The following CALN1 variants were observed in gnomAD, a reference collection of about 807,000 sequenced individuals.
CALN1 encodes calcium-binding protein 8.
CALN1 carries 17 observed loss-of-function variants against 30.6 expected under a neutral mutation model. The observed-to-expected ratio is 0.56, with a 90% CI of 0.38 to 0.83. The LOEUF is 0.83. CALN1 is among the 40% of genes least tolerant of loss of function. CALN1 has a pLI of 0.00. For missense variants in CALN1, 291 were observed against 354.9 expected (o/e 0.82, Z 1.45); for synonymous variants, 156 against 131.4 (o/e 1.19, Z -1.28).
intron 3 of CALN1, among the ~76,000 whole-genome samples, chr7:72,202,390 T>C (rs1791503283): frequency 6.6e-6 from 1 of 151,834 alleles, no homozygotes; most frequent in Non-Finnish European, 1.5e-5. Context: ...AACAAACTAA[T>C]GAAAAAAAGA....
intron 5 of CALN1, among the ~76,000 whole-genome samples, chr7:71,823,302 T>G (rs1481542559): frequency 6.6e-6 from 1 of 152,154 alleles, no homozygotes; most frequent in African/African-American, 2.4e-5. Flanking sequence ...CCTGTGTAGC[T>G]GGGATTACAG....
intron 5 of CALN1, among the ~76,000 whole-genome samples, chr7:71,820,479 C>G (rs145091560): frequency 6.6e-6 from 1 of 152,198 alleles, no homozygotes; most frequent in South Asian, 2.1e-4. Context: ...AATATCTTCA[C>G]GTATTGTTTA....
intron 4 of CALN1, among the ~76,000 whole-genome samples, chr7:72,030,706 C>T (rs867183490): frequency 3.9e-5 from 6 of 152,044 alleles, no homozygotes; most frequent in South Asian, 2.1e-4. Flanking sequence ...TTACTGGGCA[C>T]GCACAACGTG....
intron 2 of CALN1, among the ~76,000 whole-genome samples, chr7:72,288,171 G>C (rs920519576): frequency 6.6e-6 from 1 of 152,106 alleles, no homozygotes; most frequent in East Asian, 1.9e-4. Context: ...ACCGGGGCTG[G>C]AGGATCCATT....
chr7:72,235,397 G>A (rs1271961537), intron 3 of CALN1, among the ~76,000 whole-genome samples: 1 of 152,060 alleles, frequency 6.6e-6, no homozygotes, highest in Non-Finnish European at 1.5e-5. Context: ...GTATTGTCCT[G>A]GGTGCATTTT....
At chr7:71,820,121 C>A (rs544059653) in intron 5 of CALN1, among the ~76,000 whole-genome samples, 15 of 152,296 alleles carry the variant, frequency 9.8e-5, no homozygotes, top group African/African-American at 3.1e-4. Flanking sequence ...CTGCAGCCTG[C>A]AACCTGGAGG....
the CALN1 span, among the ~76,000 whole-genome samples, chr7:72,458,827 T>C: frequency 7.4e-6 from 1 of 135,472 alleles, no homozygotes; most frequent in Admixed American, 8.7e-5. Context: ...TAATATACAA[T>C]ATAATATTTA....
chr7:72,113,973 A>G (rs1037765769), intron 3 of CALN1, among the ~76,000 whole-genome samples: 3 of 152,110 alleles, frequency 2.0e-5, no homozygotes, highest in Admixed American at 6.6e-5. Flanking sequence ...CTAAGCCAGC[A>G]TGGTGGCAGA....
At chr7:71,973,809 T>G (rs1161210246) in intron 5 of CALN1, among the ~76,000 whole-genome samples, 1 of 152,188 alleles carries the variant, frequency 6.6e-6, no homozygotes, top group Non-Finnish European at 1.5e-5. Flanking sequence ...TTAAGTGACT[T>G]AAGTAAAAAG....
chr7:72,004,341 T>C (rs897307006), intron 5 of CALN1, among the ~76,000 whole-genome samples: 1 of 152,090 alleles, frequency 6.6e-6, no homozygotes, highest in African/African-American at 2.4e-5. Flanking sequence ...GGTAAGAAAA[T>C]GAATCTTGAC....
At chr7:71,802,547 C>T (rs1447894576) in intron 6 of CALN1, among the ~76,000 whole-genome samples, 1 of 152,144 alleles carries the variant, frequency 6.6e-6, no homozygotes, top group African/African-American at 2.4e-5. Flanking sequence ...ACTGCAGCCT[C>T]GAACCCCTGG....
the CALN1 span, among the ~76,000 whole-genome samples, chr7:72,455,629 G>A: frequency 1.3e-5 from 2 of 152,078 alleles, no homozygotes; most frequent in African/African-American, 4.8e-5. Flanking sequence ...TGAGGACTGA[G>A]TTACTCCGGG....
At chr7:72,097,387 G>C (rs1360657113) in intron 4 of CALN1, among the ~76,000 whole-genome samples, 1 of 152,158 alleles carries the variant, frequency 6.6e-6, no homozygotes, top group African/African-American at 2.4e-5. Context: ...ATTCCCCAGT[G>C]AATGATGCAG....
chr7:72,263,853 C>T (rs1346710330), intron 3 of CALN1, among the ~76,000 whole-genome samples: 1 of 152,162 alleles, frequency 6.6e-6, no homozygotes, highest in Admixed American at 6.5e-5. Context: ...TATATTTAGG[C>T]ACTGCCTCAA....
chr7:72,204,535 T>C (rs1791691695), intron 3 of CALN1, among the ~76,000 whole-genome samples: 1 of 152,200 alleles, frequency 6.6e-6, no homozygotes, highest in African/African-American at 2.4e-5. Context: ...TACTATGTAA[T>C]GTGGCAATTA....
chr7:72,068,794 C>T (rs1477869481), intron 4 of CALN1, among the ~76,000 whole-genome samples: 2 of 152,092 alleles, frequency 1.3e-5, no homozygotes, highest in African/African-American at 4.8e-5. Context: ...CTGGGCCGGG[C>T]CTCATTTTGC....
chr7:71,933,710 T>A (rs1373190784), intron 5 of CALN1, among the ~76,000 whole-genome samples: 1 of 152,228 alleles, frequency 6.6e-6, no homozygotes, highest in Non-Finnish European at 1.5e-5. Flanking sequence ...TTTTATGTTC[T>A]AGAATTAATT....
chr7:72,317,704 G>A (rs766146832), intron 2 of CALN1, among the ~76,000 whole-genome samples: 4 of 152,170 alleles, frequency 2.6e-5, no homozygotes, highest in Non-Finnish European at 5.9e-5. Flanking sequence ...TGAGAGGAAA[G>A]AAAGGGCTGA....
At chr7:71,977,080 T>C (rs1798136959) in intron 5 of CALN1, among the ~76,000 whole-genome samples, 1 of 152,186 alleles carries the variant, frequency 6.6e-6, no homozygotes, top group Non-Finnish European at 1.5e-5. Flanking sequence ...GAGTTGACTT[T>C]CCATATAAAG....
Sources: allele counts gnomAD v4.1 joint callset (sites outside exome capture counted in the v4.1 genomes callset), GRCh38; gene constraint gnomAD v4.1.1; transcripts MANE v1.5; gene names NCBI Gene and HGNC (gene_info 2026-07-23, HGNC 2026-07-21).